Variants in HDDC2 observed in about 807,000 individuals in gnomAD.
The protein encoded by HDDC2 is HD domain containing 2.
In HDDC2, 25 loss-of-function variants were observed where a neutral mutation model predicts 25.5. The ratio of observed to expected loss-of-function variants is 0.98; its 90% CI spans 0.72 to 1.37. The LOEUF (loss-of-function observed/expected upper bound fraction) is 1.37, where lower values mean the gene tolerates loss of function less well. Among genes scored for constraint, HDDC2 ranks in the 40% most tolerant of loss-of-function variants. HDDC2 has a pLI of 0.00. For missense variants in HDDC2, 264 were observed against 253.1 expected, an observed-to-expected ratio of 1.04 and a Z score of -0.29; for synonymous variants, 106 against 89.7, an observed-to-expected ratio of 1.18 and a Z score of -1.03.
intron 1 of HDDC2, among the ~76,000 whole-genome samples, chr6:125,301,636 C>T (rs989457785): frequency 3.3e-5 from 5 of 152,320 alleles, no homozygotes; most frequent in African/African-American, 1.2e-4. Context: ...TCCGGGCCGC[C>T]CCAGCTGGCC....
rs569289034 is a variant in HDDC2 at position 125,300,892 on chromosome 6, T to C, written c.85-233A>G. Among the ~76,000 whole-genome samples the C allele has an allele frequency of 3.7e-5, 5 of 136,542 alleles. No individual in the cohort carries two copies. In the East Asian group the frequency reaches 9.9e-4, roughly 27 times the overall value. 89.6% of individuals were successfully genotyped at this position (136,542 alleles called of 152,430 possible). On this transcript the variant is annotated intron_variant, in intron 1 of 5. Transcript: ENST00000398153. The stretch of plus-strand genomic sequence containing the variant: ...AGAGAGAGATAAGTCACAAAGTCCA[T>C]TCGTCAAATTATTCTGTTACTGATG...
intron 4 of HDDC2, among the ~76,000 whole-genome samples, chr6:125,291,635 A>T (rs912382248): frequency 2.6e-5 from 4 of 152,148 alleles, no homozygotes; most frequent in Non-Finnish European, 5.9e-5. Context: ...GAATTTCATA[A>T]CTGGGGATAA....
chr6:125,291,072 C>T (rs900119866), intron 4 of HDDC2, among the ~76,000 whole-genome samples: 3 of 152,168 alleles, frequency 2.0e-5, no homozygotes, highest in African/African-American at 7.2e-5. Flanking sequence ...GAGTGTTTCC[C>T]CCTTAGGCGA....
chr6:125,301,644 G>T (rs555021893), intron 1 of HDDC2, among the ~76,000 whole-genome samples: 1 of 152,248 alleles, frequency 6.6e-6, no homozygotes, highest in East Asian at 1.9e-4. Flanking sequence ...GCCCCAGCTG[G>T]CCAGCCTGTC....
intron 1 of HDDC2, among the ~76,000 whole-genome samples, chr6:125,301,613 T>G (rs1216133320): frequency 6.6e-6 from 1 of 152,072 alleles, no homozygotes; most frequent in Non-Finnish European, 1.5e-5. Context: ...GGCGCCAGGC[T>G]CTAGGCTCAG....
intron 4 of HDDC2, among the ~76,000 whole-genome samples, chr6:125,283,183 T>C (rs1312567758): frequency 6.6e-6 from 1 of 152,172 alleles, no homozygotes; most frequent in Non-Finnish European, 1.5e-5. Flanking sequence ...ATAAGAGCTA[T>C]TTATGACAAA....
chr6:125,299,378 C>T (rs1798760561), intron 2 of HDDC2, among the ~76,000 whole-genome samples: 1 of 151,654 alleles, frequency 6.6e-6, no homozygotes, highest in Admixed American at 6.6e-5. Flanking sequence ...GTGAGACTGT[C>T]TCAACAAAAA....
chr6:125,284,982 G>A (rs114262620), intron 4 of HDDC2, among the ~76,000 whole-genome samples: 3,026 of 152,118 alleles, frequency 0.02, 89 homozygotes, highest in African/African-American at 0.067. Context: ...TACTATGAAC[G>A]CATAAAAAAG....
At chr6:125,279,946 G>T (rs1798432264) in intron 4 of HDDC2, among the ~76,000 whole-genome samples, 1 of 152,208 alleles carries the variant, frequency 6.6e-6, no homozygotes, top group Non-Finnish European at 1.5e-5. Context: ...GAGATTCCCG[G>T]GCAAGATGGC....
intron 1 of HDDC2, among the ~76,000 whole-genome samples, chr6:125,301,450 C>CACACACACAA (rs1554222376): frequency 6.7e-6 from 1 of 149,344 alleles, no homozygotes; most frequent in Non-Finnish European, 1.5e-5. Context: ...TTTACACACA[C>CACACACACAA]ACACACACAC....
At chr6:125,291,305 A>G (rs2115112061) in intron 4 of HDDC2, among the ~76,000 whole-genome samples, 1 of 152,320 alleles carries the variant, frequency 6.6e-6, no homozygotes, top group South Asian at 2.1e-4. Context: ...TTTAATTTTC[A>G]TGATTATTCA....
intron 4 of HDDC2, among the ~76,000 whole-genome samples, chr6:125,284,546 A>G (rs559837022): frequency 2.0e-5 from 3 of 152,252 alleles, no homozygotes; most frequent in Non-Finnish European, 4.4e-5. Context: ...TTATGTGACC[A>G]ACAAACATAT....
chr6:125,296,799 C>G (rs142868382), intron 3 of HDDC2, among the ~76,000 whole-genome samples: 62 of 152,342 alleles, frequency 4.1e-4, no homozygotes, highest in African/African-American at 1.4e-3. Flanking sequence ...TCTCTGATTG[C>G]TCAGGTCCCC....
At position 125,301,953 on chromosome 6, in the gene HDDC2, G is replaced by C; in HGVS notation, c.-21C>G. The C allele has an allele frequency of 6.5e-7, 1 of 1,540,606 alleles. No homozygotes were observed. Among genetic ancestry groups the C allele is most frequent in the Non-Finnish European group, 8.7e-7 (1 of 1,143,918 alleles). On this transcript the variant is annotated 5_prime_UTR_variant, in exon 1 of 6. Transcript: ENST00000398153. ...GCCATGCGGCCACCGACCCCGGCTG[G>C]GCGGAGCAGGCCGCGGCGAAGCTCC...
chr6:125,290,790 G>T (rs1798619214), intron 4 of HDDC2, among the ~76,000 whole-genome samples: 1 of 152,162 alleles, frequency 6.6e-6, no homozygotes, highest in Non-Finnish European at 1.5e-5. Context: ...TTCAACCAAT[G>T]ACATTTATAA....
chr6:125,288,758 A>C (rs1409101954), intron 4 of HDDC2, among the ~76,000 whole-genome samples: 1 of 139,318 alleles, frequency 7.2e-6, no homozygotes, highest in African/African-American at 3.1e-5. Flanking sequence ...CATCAGAGAA[A>C]TGCAAATCAA....
intron 4 of HDDC2, among the ~76,000 whole-genome samples, chr6:125,288,030 C>T (rs561348584): frequency 1.3e-5 from 2 of 152,222 alleles, no homozygotes; most frequent in East Asian, 1.9e-4. Flanking sequence ...GGGAGTGCAG[C>T]GAACTCCTCA....
At chr6:125,299,200 T>C (rs1208292149) in intron 2 of HDDC2, among the ~76,000 whole-genome samples, 1 of 152,116 alleles carries the variant, frequency 6.6e-6, no homozygotes, top group African/African-American at 2.4e-5. Flanking sequence ...CCTAGCAACA[T>C]GGTGAAACCC....
At chr6:125,301,704 C>T (rs2114260063) in intron 1 of HDDC2, 145 bp downstream of exon 1, 2 of 581,544 alleles carry the variant, frequency 3.4e-6, no homozygotes, top group Non-Finnish European at 5.7e-6. Context: ...GCCGCATCCG[C>T]AGGACTGGGG....
Sources: gnomAD v4.1 joint callset for allele counts (sites outside exome capture counted in the v4.1 genomes callset) on GRCh38, gnomAD v4.1.1 for gene constraint, MANE v1.5 for transcripts, NCBI Gene and HGNC (gene_info 2026-07-23, HGNC 2026-07-21) for gene names.